The following DSCAML1 variants were observed in gnomAD, a reference collection of about 807,000 sequenced individuals.
The protein encoded by DSCAML1 is DS cell adhesion molecule like 1.
A neutral mutation model predicts 200.5 loss-of-function variants in DSCAML1; 38 were observed. That is an observed-to-expected ratio of 0.19 (90% CI 0.15 to 0.25). The LOEUF (loss-of-function observed/expected upper bound fraction) is 0.25. Among genes scored for constraint, DSCAML1 ranks in the 10% least tolerant of loss-of-function variants. DSCAML1 has a pLI of 1.00. For synonymous variants in DSCAML1, 1,215 were observed against 1,165.0 expected, an observed-to-expected ratio of 1.04 and a Z score of -0.87; for missense variants, 2,223 against 2,858.8, an observed-to-expected ratio of 0.78 and a Z score of 5.07.
intron 3 of DSCAML1, among the ~76,000 whole-genome samples, chr11:117,600,065 C>G (rs1020526755): frequency 4.6e-5 from 7 of 152,202 alleles, no homozygotes; most frequent in Non-Finnish European, 7.3e-5. Context: ...GCCATAGAGC[C>G]CACATGGTAG....
intron 14 of DSCAML1, among the ~76,000 whole-genome samples, chr11:117,479,029 CAAGGGGTG>C (rs1367796869): frequency 1.3e-5 from 2 of 152,366 alleles, no homozygotes; most frequent in African/African-American, 4.8e-5. Context: ...AGTGGCTTCT[CAAGGGGTG>C]AATGCAGCTC....
intron 3 of DSCAML1, among the ~76,000 whole-genome samples, chr11:117,664,040 C>A (rs1701048528): frequency 6.6e-6 from 1 of 152,234 alleles, no homozygotes. Flanking sequence ...CCAGAAAATG[C>A]CGTGGCTCCC....
intron 1 of DSCAML1, among the ~76,000 whole-genome samples, chr11:117,807,519 G>T (rs2055716899): frequency 6.6e-6 from 1 of 152,210 alleles, no homozygotes; most frequent in Non-Finnish European, 1.5e-5. Flanking sequence ...TCATGAGCTG[G>T]GAGGACCAAG....
intron 3 of DSCAML1, among the ~76,000 whole-genome samples, chr11:117,700,715 T>G (rs995294355): frequency 5.3e-5 from 8 of 152,202 alleles, no homozygotes; most frequent in Non-Finnish European, 8.8e-5. Context: ...GATAGAAACA[T>G]GTCTGTGCCA....
intron 3 of DSCAML1, among the ~76,000 whole-genome samples, chr11:117,574,838 T>C (rs1355148574): frequency 1.3e-5 from 2 of 152,070 alleles, no homozygotes; most frequent in Non-Finnish European, 2.9e-5. Context: ...CTGCCTGGCC[T>C]GGGAAGGGGA....
At chr11:117,599,526 T>C (rs2051425830) in intron 3 of DSCAML1, among the ~76,000 whole-genome samples, 1 of 152,118 alleles carries the variant, frequency 6.6e-6, no homozygotes, top group East Asian at 1.9e-4. Context: ...GGTGAAAAGG[T>C]GATGTTTGGG....
intron 11 of DSCAML1, among the ~76,000 whole-genome samples, chr11:117,493,263 G>T (rs940568297): frequency 2.6e-5 from 4 of 152,076 alleles, no homozygotes; most frequent in Non-Finnish European, 4.4e-5. Context: ...CGCGCAGGAC[G>T]GGGAGTGTTC....
At chr11:117,745,161 T>TG (rs1333867798) in intron 3 of DSCAML1, among the ~76,000 whole-genome samples, 1 of 42,826 alleles carries the variant, frequency 2.3e-5, no homozygotes. Flanking sequence ...GTCATCTGGG[T>TG]GGGGGGGATG....
chr11:117,692,300 G>A (rs2053509543), intron 3 of DSCAML1, among the ~76,000 whole-genome samples: 1 of 151,982 alleles, frequency 6.6e-6, no homozygotes, highest in South Asian at 2.1e-4. Flanking sequence ...CTGAGAGCAG[G>A]GGAGACCCCC....
intron 19 of DSCAML1, among the ~76,000 whole-genome samples, chr11:117,451,880 A>G (rs1449325863): frequency 6.6e-6 from 1 of 152,144 alleles, no homozygotes; most frequent in Non-Finnish European, 1.5e-5. Context: ...AATAAATTGT[A>G]ACGATTATTA....
At chr11:117,570,737 T>G (rs1166125987) in intron 3 of DSCAML1, among the ~76,000 whole-genome samples, 1 of 152,262 alleles carries the variant, frequency 6.6e-6, no homozygotes, top group East Asian at 1.9e-4. Context: ...CAGTGGCAGA[T>G]GGCGTGGGCC....
chr11:117,432,853 C>T (rs2047830846), intron 29 of DSCAML1, among the ~76,000 whole-genome samples: 1 of 151,874 alleles, frequency 6.6e-6, no homozygotes, highest in Non-Finnish European at 1.5e-5. Flanking sequence ...TCAAGTGATC[C>T]TCCCTCCTTG....
At position 117,428,415 on chromosome 11, in the gene DSCAML1, G is replaced by A. The variant is rs1232725337; in HGVS notation, c.6075C>T (p.Asp2025=). The change falls in exon 33 of 33, where the codon GAC becomes GAT. Residue 2025 remains aspartate (D), a synonymous_variant. Transcript: ENST00000651296. ...CCGATGTGCTCATCTCGAGAAGCGA[G>A]TCCCTGGAGCCCCCCATTTTGGTGT... ...GPHTKMGGSR[D]SLLEMSTSGV... is the part of the protein sequence containing the mutation. The A allele has an allele frequency of 1.3e-6, 2 of 1,563,316 alleles. No individual in the cohort carries two copies. Among genetic ancestry groups the A allele is most frequent in the Admixed American group, 2.1e-5 (1 of 46,898 alleles).
At chr11:117,439,240 G>A (rs370463754) in intron 23 of DSCAML1, 26 bp downstream of exon 23, 4 of 1,612,432 alleles carry the variant, frequency 2.5e-6, no homozygotes, top group Non-Finnish European at 3.4e-6. Flanking sequence ...TCCCCACCTG[G>A]GGTCACCTGC....
chr11:117,741,586 G>T (rs2054424226), intron 3 of DSCAML1, among the ~76,000 whole-genome samples: 1 of 152,256 alleles, frequency 6.6e-6, no homozygotes, highest in Non-Finnish European at 1.5e-5. Context: ...GGAAACTAAG[G>T]CTCAAAGATG....
chr11:117,438,834 G>C (rs751075161), intron 24 of DSCAML1, 51 bp downstream of exon 24: 11 of 1,436,730 alleles, frequency 7.7e-6, no homozygotes, highest in African/African-American at 1.5e-5. Context: ...TCCCTGCCCC[G>C]GGCCCAGAAT....
chr11:117,622,218 T>C (rs998404543), intron 3 of DSCAML1, among the ~76,000 whole-genome samples: 1 of 152,208 alleles, frequency 6.6e-6, no homozygotes, highest in Non-Finnish European at 1.5e-5. Context: ...GCTGGTGGCC[T>C]GGAAGCTCTG....
intron 11 of DSCAML1, among the ~76,000 whole-genome samples, chr11:117,497,088 CA>C (rs1248964033): frequency 3.9e-5 from 6 of 152,278 alleles, no homozygotes; most frequent in Admixed American, 2.0e-4. Context: ...GAACTGGCGA[CA>C]CATGCCCTCG....
intron 3 of DSCAML1, among the ~76,000 whole-genome samples, chr11:117,756,464 A>G (rs969653012): frequency 1.4e-4 from 21 of 152,324 alleles, no homozygotes; most frequent in African/African-American, 4.3e-4. Context: ...AGCCAGAGCC[A>G]GCGACCACGA....
Sources: gnomAD v4.1 joint callset for allele counts (sites outside exome capture counted in the v4.1 genomes callset) on GRCh38, gnomAD v4.1.1 for gene constraint, MANE v1.5 for transcripts, NCBI Gene and HGNC (gene_info 2026-07-23, HGNC 2026-07-21) for gene names.